Variants in SOBP observed in about 807,000 individuals in gnomAD.
SOBP encodes sine oculis-binding protein homolog.
In SOBP, 4 loss-of-function variants were observed where a neutral mutation model predicts 53.6. The ratio of observed to expected loss-of-function variants is 0.07; its 90% CI spans 0.04 to 0.17. The LOEUF is 0.17. Ranked by LOEUF, SOBP falls within the 10% of genes least tolerant of loss-of-function variation. The pLI, the probability that SOBP is intolerant of heterozygous loss-of-function variation, is 1.00. For missense variants in SOBP, 1,088 were observed against 1,204.7 expected (o/e 0.90, Z 1.43); for synonymous variants, 584 against 522.6 (o/e 1.12, Z -1.60).
Position 107,535,943 on chromosome 6 carries a change from C to G in SOBP, c.573+2333C>G, listed in dbSNP as rs1379818598. Among the ~76,000 whole-genome samples the G allele has an allele frequency of 2.0e-5, 3 of 152,292 alleles. No homozygotes were observed. The East Asian group carries it at 5.8e-4, about 29-fold the overall frequency. On this transcript the variant is annotated intron_variant, in intron 4 of 6. Coordinates refer to ENST00000317357, the MANE Select transcript of SOBP (RefSeq NM_018013.4). ...CTACTTCTCCTCTTGTATCATTTAA[C>G]AAAGTCCTTAGTCCTTGTTAATTAA...
intron 4 of SOBP, among the ~76,000 whole-genome samples, chr6:107,570,144 C>A (rs1355475050): frequency 6.6e-6 from 1 of 152,154 alleles, no homozygotes; most frequent in Admixed American, 6.5e-5. Context: ...TTTTTCCTTC[C>A]CCTTACACAT....
intron 5 of SOBP, among the ~76,000 whole-genome samples, chr6:107,611,290 C>T (rs1445053790): frequency 6.6e-6 from 1 of 152,140 alleles, no homozygotes; most frequent in African/African-American, 2.4e-5. Flanking sequence ...AAAGAGGGGG[C>T]CCCGGTGGAG....
At chr6:107,509,884 A>G (rs1029334457) in intron 3 of SOBP, 5 of 152,226 alleles carry the variant, frequency 3.3e-5, no homozygotes, top group Admixed American at 3.3e-4. Context: ...AATAAAATGT[A>G]GGGAAGGACA....
chr6:107,616,077 AGGG>A (rs1301217995), intron 5 of SOBP, among the ~76,000 whole-genome samples: 3 of 11,180 alleles, frequency 2.7e-4, no homozygotes, highest in African/African-American at 1.6e-3. Context: ...TCATTGAGGA[AGGG>A]GGGTGGGGGG....
At chr6:107,527,785 A>G (rs1783706629) in intron 3 of SOBP, among the ~76,000 whole-genome samples, 1 of 152,128 alleles carries the variant, frequency 6.6e-6, no homozygotes, top group Non-Finnish European at 1.5e-5. Context: ...TACATCTACT[A>G]CCTCATTTGC....
chr6:107,506,907 ATTAG>A (rs1783010869), intron 3 of SOBP, among the ~76,000 whole-genome samples: 1 of 151,972 alleles, frequency 6.6e-6, no homozygotes. Flanking sequence ...AATACAAAAA[ATTAG>A]TTAGGTGTGG....
Position 107,634,069 on chromosome 6 carries a change from C to T in SOBP, c.1225C>T (p.Pro409Ser). The change falls in exon 6 of 7, where the codon CCG becomes TCG. Residue 409 changes from proline to serine, a missense_variant. Physicochemically the swap from Pro to Ser is moderately conservative, Grantham distance 74. Transcript: ENST00000317357. The surrounding 1 kb of genome is among the most constrained non-coding windows in gnomAD (Gnocchi z 4.5). ...MEQQIMQQIRPPFIRGPPHHA... is the reference protein window; with the variant it reads ...MEQQIMQQIRSPFIRGPPHHA... ...GCAGCAGATCATGCAGCAGATCCGC[C>T]CGCCCTTCATCCGCGGGCCTCCGCA... 1 of 1,601,482 alleles carries T rather than the reference C, an allele frequency of 6.2e-7. No individual in the cohort carries two copies. Among genetic ancestry groups the T allele is most frequent in the Non-Finnish European group, 8.5e-7 (1 of 1,173,038 alleles).
intron 5 of SOBP, among the ~76,000 whole-genome samples, chr6:107,589,086 T>C (rs1357799531): frequency 6.6e-6 from 1 of 152,246 alleles, no homozygotes; most frequent in Admixed American, 6.5e-5. Context: ...CTTGGAGTTT[T>C]CTTAGTGCAA....
chr6:107,650,040 G>A (rs1453385372), intron 6 of SOBP, among the ~76,000 whole-genome samples: 1 of 152,170 alleles, frequency 6.6e-6, no homozygotes, highest in African/African-American at 2.4e-5. Flanking sequence ...TATCCCAGTA[G>A]GGAGTCTTAC....
rs146766273 is a variant in SOBP at position 107,503,387 on chromosome 6, T to C, written c.97-270T>C. 8.1e-3 allele frequency among the ~76,000 whole-genome samples: 1,232 copies of C among 152,346 alleles called. 10 individuals are homozygous for C. Among genetic ancestry groups the C allele is most frequent in the African/African-American group, 0.028 (1,162 of 41,562 alleles). ...AATGTGCTAAAATATGACTTCCTGT[T>C]CATAGGCAACACTAACAAATATAGT... On this transcript the variant is annotated intron_variant, in intron 1 of 6. Transcript: ENST00000317357.
rs1159299556 is a variant in SOBP at position 107,586,987 on chromosome 6, C to T, written c.574-93C>T. ...TAATATTGTTGTTATTTCTGGATTC[C>T]CGTTTGTTGAATGATCTGAGCTGTT... On this transcript the variant is annotated intron_variant, in intron 4 of 6. Transcript: ENST00000317357. 4 of 919,302 alleles carry T rather than the reference C, an allele frequency of 4.4e-6. No homozygotes were observed. The African/African-American group carries it at 4.9e-5, about 11-fold the overall frequency. 56.9% of individuals were successfully genotyped at this position (919,302 alleles called of 1,614,324 possible).
chr6:107,515,136 C>T (rs570774372), intron 3 of SOBP: 2 of 152,252 alleles, frequency 1.3e-5, no homozygotes, highest in South Asian at 2.1e-4. Context: ...TTGACAGAGA[C>T]GTCACATTAG....
Position 107,634,266 on chromosome 6 carries a change from C to A in SOBP, c.1422C>A (p.Gly474=). Residue 474 remains glycine (G), a synonymous_variant, in exon 6 of 7, where the codon GGC becomes GGA. Coordinates refer to ENST00000317357, the MANE Select transcript of SOBP (RefSeq NM_018013.4). This position sits in a 1 kb window ranked among gnomAD's most constrained non-coding sequence, Gnocchi z 4.5. ...CCACCATGCCCGGGAACCCCCCAGG[C>A]CTGCTGCCCCCGCCGCCTCCGGGCG... The part of the protein sequence containing the change: ...STPTMPGNPP[G]LLPPPPPGAP... 6.4e-7 allele frequency: 1 copy of A among 1,559,600 alleles called. No homozygotes were observed. The highest frequency in any genetic ancestry group is 8.6e-7 in the Non-Finnish European group (1 of 1,158,762).
At chr6:107,616,187 T>C (rs1198420897) in intron 5 of SOBP, among the ~76,000 whole-genome samples, 1 of 151,506 alleles carries the variant, frequency 6.6e-6, no homozygotes, top group Admixed American at 6.6e-5. Context: ...TGGGATCTAC[T>C]TGTCCTTTGC....
At chr6:107,531,896 TG>T (rs1783833340) in intron 3 of SOBP, among the ~76,000 whole-genome samples, 1 of 152,182 alleles carries the variant, frequency 6.6e-6, no homozygotes. Flanking sequence ...CATATAGTTC[TG>T]AGTGGTGATA....
chr6:107,553,303 TTTA>T (rs1784517429), intron 4 of SOBP, among the ~76,000 whole-genome samples: 2 of 81,082 alleles, frequency 2.5e-5, no homozygotes, highest in African/African-American at 1.8e-4. Flanking sequence ...TATTATTTTA[TTTA>T]TTTATTTATT....
chr6:107,653,657 C>G (rs1771900422), intron 6 of SOBP, among the ~76,000 whole-genome samples: 1 of 152,066 alleles, frequency 6.6e-6, no homozygotes, highest in Admixed American at 6.6e-5. Flanking sequence ...ATGCTAATTA[C>G]AAAAGTATTT....
rs540228421 is a variant in SOBP at position 107,565,866 on chromosome 6, G to A, written c.574-21214G>A. On this transcript the variant is annotated intron_variant, in intron 4 of 6. Coordinates refer to ENST00000317357, the MANE Select transcript of SOBP (RefSeq NM_018013.4). ...ATGGGAAGGCATCCTGGCTCGTCCC[G>A]CACCTCCTGTGCAGGGAAAGCAGTT... Among the ~76,000 whole-genome samples, 4 of 152,332 alleles carry A rather than the reference G, an allele frequency of 2.6e-5. No individual in the cohort carries two copies. In the South Asian group the frequency reaches 6.2e-4, roughly 24 times the overall value.
At chr6:107,649,466 GA>G (rs1358736497) in intron 6 of SOBP, among the ~76,000 whole-genome samples, 1 of 151,676 alleles carries the variant, frequency 6.6e-6, no homozygotes, top group Non-Finnish European at 1.5e-5. Flanking sequence ...GACAGAGCAA[GA>G]CCCTGTCTCA....
Sources: allele counts gnomAD v4.1 joint callset (sites outside exome capture counted in the v4.1 genomes callset), GRCh38; gene constraint gnomAD v4.1.1; non-coding constraint Gnocchi (gnomAD v3.1); transcripts MANE v1.5; gene names NCBI Gene and HGNC (gene_info 2026-07-23, HGNC 2026-07-21).